The following TMEM223 variants were observed in gnomAD, a reference collection of about 807,000 sequenced individuals.
The protein encoded by TMEM223 is transmembrane protein 223.
A neutral mutation model predicts 14.1 loss-of-function variants in TMEM223; 14 were observed. That is an observed-to-expected ratio of 0.99 (90% CI 0.66 to 1.55). The LOEUF (loss-of-function observed/expected upper bound fraction) is 1.55. Among genes scored for constraint, TMEM223 ranks in the 40% most tolerant of loss-of-function variants. TMEM223 has a pLI of 0.00. For missense variants in TMEM223, 346 were observed against 269.9 expected (o/e 1.28, Z -1.97); for synonymous variants, 145 against 120.5 (o/e 1.20, Z -1.33).
downstream of TMEM223, chr11:62,785,944 G>A: frequency 5.0e-6 from 1 of 198,936 alleles, no homozygotes; most frequent in Non-Finnish European, 1.0e-5. Context: ...GCCAGTACTT[G>A]CCTGATTGTA....
downstream of TMEM223, chr11:62,787,350 TC>T (rs2084295574): frequency 6.5e-7 from 1 of 1,534,342 alleles, no homozygotes; most frequent in East Asian, 2.3e-5. Context: ...AAATGACGTC[TC>T]CACCTTCGTG....
At position 62,790,707 on chromosome 11, in the gene TMEM223, G is replaced by A. The variant is rs1436535329; in HGVS notation, c.525C>T (p.Arg175=). The change falls in exon 2 of 2, where the codon CGC becomes CGT. Residue 175 remains arginine, a synonymous_variant. Coordinates refer to ENST00000307366, the MANE Select transcript of TMEM223 (RefSeq NM_001080501.3). Reference sequence around the variant, plus strand: ...CAGTTTTGTCCAAGAGGAAATAGAAGCGTCGGCCTTTGACTTTCAGAGGTA... The same window carrying A: ...CAGTTTTGTCCAAGAGGAAATAGAAACGTCGGCCTTTGACTTTCAGAGGTA... ...AMLPLKVKGR[R]FYFLLDKTGH... 2.5e-6 allele frequency: 4 copies of A among 1,611,720 alleles called. No homozygotes were observed. In the East Asian group the frequency reaches 6.7e-5, roughly 27 times the overall value.
rs144822578 is a variant in TMEM223 at position 62,790,965 on chromosome 11, G to A, written c.317-50C>T. 4 of 1,469,642 alleles carry A rather than the reference G, an allele frequency of 2.7e-6. No homozygotes were observed. In the East Asian group the frequency reaches 9.8e-5, roughly 36 times the overall value. The allele number at this position is 1,469,642 out of a possible 1,614,324, so 91.0% of individuals were successfully genotyped here. A position where few individuals can be genotyped will look rare whatever the true frequency, so the allele number is the denominator to read the frequency against. ...TGAGGGGTTTTCACTGGGCATCTAA[G>A]TACCGACCTTTCCAGTGCCCTCTGA... On this transcript the variant is annotated intron_variant, in intron 1 of 1. Transcript: ENST00000307366.
chr11:62,782,843 T>A (rs200837006), downstream of TMEM223: 2 of 1,613,104 alleles, frequency 1.2e-6, no homozygotes, highest in Non-Finnish European at 1.7e-6. Context: ...CCCTGGCCTT[T>A]CTCACACAGC....
At chr11:62,787,265 T>C (rs777191701), downstream of TMEM223, 3 of 1,563,532 alleles carry the variant, frequency 1.9e-6, no homozygotes, top group Non-Finnish European at 2.6e-6. Context: ...CGGTGGGCGC[T>C]CTCGGACTAC....
Position 62,790,815 on chromosome 11 carries a change from GGCAT to G in TMEM223, c.413_416del (p.His138ProfsTer13). On this transcript the variant is annotated frameshift_variant, in exon 2 of 2. Coordinates refer to ENST00000307366, the MANE Select transcript of TMEM223 (RefSeq NM_001080501.3). LOFTEE classifies it high-confidence loss of function. ...TGAAATGGGCCCCCAAGCCAAAGGGGGCATGAGTGGTGAGGGTCACCTGCTGCCC... is the reference window on the plus strand; with the variant it reads ...TGAAATGGGCCCCCAAGCCAAAGGGGGAGTGGTGAGGGTCACCTGCTGCCC... The G allele has an allele frequency of 6.2e-7, 1 of 1,605,892 alleles. No individual in the cohort carries two copies. The highest frequency in any genetic ancestry group is 1.1e-5 in the South Asian group (1 of 89,642).
In TMEM223 at chr11:62,790,816, G is replaced by A. The variant is rs748228616; in HGVS notation, c.416C>T (p.Ala139Val). The change falls in exon 2 of 2, where the codon GCC becomes GTC. Residue 139 changes from alanine (A) to valine (V), a missense_variant. Transcript: ENST00000307366. Reference sequence around the variant, plus strand: ...GAAATGGGCCCCCAAGCCAAAGGGGGCATGAGTGGTGAGGGTCACCTGCTG... The same window carrying A: ...GAAATGGGCCCCCAAGCCAAAGGGGACATGAGTGGTGAGGGTCACCTGCTG... ...GGQQVTLTTH[A>V]PFGLGAHFTV... 6.2e-7 allele frequency: 1 copy of A among 1,605,566 alleles called. No homozygotes were observed. Among genetic ancestry groups the A allele is most frequent in the African/African-American group, 1.3e-5 (1 of 74,894 alleles).
At chr11:62,786,658 G>A (rs1277864946), downstream of TMEM223, 8 of 1,610,972 alleles carry the variant, frequency 5.0e-6, no homozygotes, top group South Asian at 8.8e-5. Context: ...CGGGGGCGGT[G>A]CAGAACCCAG....
downstream of TMEM223, among the ~76,000 whole-genome samples, chr11:62,785,622 C>T (rs1319228094): frequency 4.0e-5 from 6 of 150,422 alleles, no homozygotes; most frequent in African/African-American, 9.8e-5. Context: ...GCAACCTCTG[C>T]CCCCCGAGTT....
chr11:62,791,016 G>A, intron 1 of TMEM223, 101 bp from the exon 2 acceptor site: 1 of 1,298,010 alleles, frequency 7.7e-7, no homozygotes, highest in Non-Finnish European at 1.0e-6. Context: ...GATGAAAGTA[G>A]TATTTACTGA....
intron 1 of TMEM223, chr11:62,782,022 G>T: frequency 1.2e-6 from 2 of 1,605,614 alleles, no homozygotes; most frequent in East Asian, 2.2e-5. Context: ...AGATGACCCA[G>T]CAGGTGTAGG....
downstream of TMEM223, chr11:62,782,889 T>C: frequency 1.3e-6 from 2 of 1,589,108 alleles, no homozygotes; most frequent in Non-Finnish European, 1.7e-6. Context: ...AAAATAGTAC[T>C]TGTGCATCGT....
chr11:62,775,713 A>G, intron 1 of TMEM223: 6 of 1,520,550 alleles, frequency 3.9e-6, no homozygotes, highest in Non-Finnish European at 4.4e-6. Flanking sequence ...GTTGGATCAC[A>G]CTCCTGGGCT....
At chr11:62,787,202 C>T (rs1319177545), downstream of TMEM223, 1 of 1,588,846 alleles carries the variant, frequency 6.3e-7, no homozygotes, top group Admixed American at 1.7e-5. Flanking sequence ...AGCCCGGCCT[C>T]GCGCTACGTG....
rs762695933 is a variant in TMEM223, at chr11:62,791,985, GCGC to G, written c.7_9del (p.Ala3del). 481 of 1,540,916 alleles carry G rather than the reference GCGC, an allele frequency of 3.1e-4. No homozygotes were observed. Among genetic ancestry groups the G allele is most frequent in the Non-Finnish European group, 4.0e-4 (455 of 1,139,466 alleles). Reference sequence around the variant, plus strand: ...AGCCCCGTGGGCCATCGCCTCCAAGGCGCCGCCATGGCCAGCCGACTTCCGGGG... The same window carrying G: ...AGCCCCGTGGGCCATCGCCTCCAAGGCGCCATGGCCAGCCGACTTCCGGGG... On this transcript the variant is annotated inframe_deletion, in exon 1 of 2. Coordinates refer to ENST00000307366, the MANE Select transcript of TMEM223 (RefSeq NM_001080501.3).
At chr11:62,787,620 C>G (rs770241830), downstream of TMEM223, 11 of 1,403,708 alleles carry the variant, frequency 7.8e-6, no homozygotes, top group South Asian at 2.9e-5. Context: ...CTTGCTGCTG[C>G]TCGGAGCCGG....
chr11:62,788,361 C>T (rs575439653), downstream of TMEM223, among the ~76,000 whole-genome samples: 1 of 151,788 alleles, frequency 6.6e-6, no homozygotes, highest in Non-Finnish European at 1.5e-5. Flanking sequence ...CGAGATCGTG[C>T]CATTGCACTC....
In TMEM223 at chr11:62,791,738, G is replaced by A. The variant is rs1367811513; in HGVS notation, c.257C>T (p.Pro86Leu). 4 of 1,560,482 alleles carry A rather than the reference G, an allele frequency of 2.6e-6. No individual in the cohort carries two copies. The highest frequency in any genetic ancestry group is 1.7e-4 in the Middle Eastern group (1 of 5,912). The change falls in exon 1 of 2, where the codon CCC (proline) becomes CTC (leucine). Residue 86 changes from proline (P) to leucine (L), a missense_variant. Pro to Leu is a moderately conservative substitution (Grantham distance 98, BLOSUM62 -3). Coordinates refer to ENST00000307366, the MANE Select transcript of TMEM223 (RefSeq NM_001080501.3). Reference sequence around the variant, plus strand: ...CCAGAGCGCGGAGCGCAGGTCGAAGGGGCCACGATTTGGGACCTCCGCATC... The same window carrying A: ...CCAGAGCGCGGAGCGCAGGTCGAAGAGGCCACGATTTGGGACCTCCGCATC... ...PLDAEVPNRG[P>L]FDLRSALWRY... is the part of the protein sequence containing the mutation.
chr11:62,787,049 C>A (rs768347100), downstream of TMEM223: 1 of 1,522,150 alleles, frequency 6.6e-7, no homozygotes, highest in Non-Finnish European at 8.8e-7. Flanking sequence ...GGCCCCGGGA[C>A]CGGCACCCGC....
Sources: gnomAD v4.1 joint callset for allele counts (sites outside exome capture counted in the v4.1 genomes callset) on GRCh38, gnomAD v4.1.1 for gene constraint, MANE v1.5 for transcripts, NCBI Gene and HGNC (gene_info 2026-07-23, HGNC 2026-07-21) for gene names.